The following LRRC4C variants were observed in gnomAD, a reference collection of about 807,000 sequenced individuals.
The protein encoded by LRRC4C is leucine-rich repeat-containing protein 4C.
In LRRC4C, 5 loss-of-function variants were observed where a neutral mutation model predicts 33.6. That is an observed-to-expected ratio of 0.15 (90% confidence interval 0.08 to 0.31). LRRC4C has a LOEUF of 0.31. LRRC4C is among the 10% of genes least tolerant of loss of function. The pLI is 1.00. For missense variants in LRRC4C, 560 were observed against 796.7 expected (o/e 0.70, Z 3.58); for synonymous variants, 329 against 302.0 (o/e 1.09, Z -0.93).
intron 1 of LRRC4C, among the ~76,000 whole-genome samples, chr11:41,267,854 T>G (rs1949200644): frequency 6.6e-6 from 1 of 152,098 alleles, no homozygotes; most frequent in South Asian, 2.1e-4. Context: ...ATGCCTGAAA[T>G]GTAAGTAAAT....
intron 1 of LRRC4C, among the ~76,000 whole-genome samples, chr11:40,978,906 G>A (rs1043802275): frequency 2.0e-5 from 3 of 151,864 alleles, no homozygotes; most frequent in Non-Finnish European, 2.9e-5. Context: ...TGCTAGGATT[G>A]CAGGGGTGAG....
intron 2 of LRRC4C, among the ~76,000 whole-genome samples, chr11:40,792,895 C>A (rs937982232): frequency 2.6e-5 from 4 of 152,070 alleles, no homozygotes; most frequent in African/African-American, 9.7e-5. Context: ...GGACAAAAAA[C>A]CAAACACCGC....
chr11:40,834,649 T>C (rs1440524370), intron 2 of LRRC4C, among the ~76,000 whole-genome samples: 2 of 152,046 alleles, frequency 1.3e-5, no homozygotes, highest in East Asian at 1.9e-4. Flanking sequence ...TTTCATCCCA[T>C]ACACCATGGG....
chr11:41,361,318 A>T lies in LRRC4C; in HGVS notation c.-496+98113T>A, dbSNP rs377694571. On this transcript the variant is annotated intron_variant, in intron 1 of 6. Transcript: ENST00000528697. ...AATCCAGACTATAACCCATTCCATCAACTTCATTTTCTTGTAGGAGTTACA... is the reference window on the plus strand; with the variant it reads ...AATCCAGACTATAACCCATTCCATCTACTTCATTTTCTTGTAGGAGTTACA... Among the ~76,000 whole-genome samples, 8 of 152,286 alleles carry T rather than the reference A, an allele frequency of 5.3e-5. No homozygotes were observed. In the South Asian group the frequency reaches 6.2e-4, roughly 12 times the overall value.
chr11:40,867,554 G>T (rs995562608), intron 2 of LRRC4C, among the ~76,000 whole-genome samples: 2 of 152,000 alleles, frequency 1.3e-5, no homozygotes, highest in African/African-American at 4.8e-5. Context: ...TAAATCAATT[G>T]GGGGGAAAAA....
At chr11:41,085,213 C>T (rs535627177) in intron 1 of LRRC4C, among the ~76,000 whole-genome samples, 13 of 152,302 alleles carry the variant, frequency 8.5e-5, no homozygotes, top group Admixed American at 3.3e-4. Context: ...GACAAATCCA[C>T]TCTTAATTTC....
chr11:40,926,074 T>C (rs1323647551), intron 2 of LRRC4C, among the ~76,000 whole-genome samples: 7 of 151,162 alleles, frequency 4.6e-5, no homozygotes, highest in African/African-American at 1.7e-4. Flanking sequence ...GGGTTTTTTG[T>C]TGTTGTTGTT....
intron 1 of LRRC4C, among the ~76,000 whole-genome samples, chr11:41,290,180 A>G (rs1949950673): frequency 6.6e-6 from 1 of 152,216 alleles, no homozygotes; most frequent in African/African-American, 2.4e-5. Flanking sequence ...AAGATTTCCC[A>G]TAATGACAAG....
At chr11:40,611,922 C>T (rs1444708551) in intron 3 of LRRC4C, among the ~76,000 whole-genome samples, 4 of 151,270 alleles carry the variant, frequency 2.6e-5, no homozygotes, top group African/African-American at 9.7e-5. Context: ...AACTCTTTTA[C>T]GTTAGGGGAG....
At chr11:40,904,938 G>A (rs1241236183) in intron 2 of LRRC4C, among the ~76,000 whole-genome samples, 1 of 152,104 alleles carries the variant, frequency 6.6e-6, no homozygotes, top group African/African-American at 2.4e-5. Context: ...CCACGCTCAA[G>A]AGGAAAGCTG....
intron 3 of LRRC4C, among the ~76,000 whole-genome samples, chr11:40,411,296 T>C (rs988414447): frequency 6.6e-6 from 1 of 152,136 alleles, no homozygotes; most frequent in Admixed American, 6.6e-5. Flanking sequence ...TGTTGACTTG[T>C]AGTCACAGAG....
intron 3 of LRRC4C, among the ~76,000 whole-genome samples, chr11:40,413,080 T>C (rs1441468506): frequency 6.6e-6 from 1 of 152,090 alleles, no homozygotes; most frequent in Non-Finnish European, 1.5e-5. Context: ...CAATGAAGAC[T>C]ATTAAAAGAA....
intron 1 of LRRC4C, among the ~76,000 whole-genome samples, chr11:41,399,361 GA>G (rs1371920201): frequency 6.6e-6 from 1 of 151,952 alleles, no homozygotes; most frequent in Non-Finnish European, 1.5e-5. Context: ...GACTGGTGAG[GA>G]AAGAAGGTTT....
intron 2 of LRRC4C, among the ~76,000 whole-genome samples, chr11:40,698,568 A>G (rs1443731785): frequency 6.6e-6 from 1 of 152,136 alleles, no homozygotes; most frequent in Non-Finnish European, 1.5e-5. Flanking sequence ...GAAAAAGAAG[A>G]GAATGGGAAA....
intron 1 of LRRC4C, among the ~76,000 whole-genome samples, chr11:41,180,774 C>G (rs1233377780): frequency 6.6e-6 from 1 of 152,054 alleles, no homozygotes; most frequent in Non-Finnish European, 1.5e-5. Flanking sequence ...AGATACAGAT[C>G]TCTGTCCTGT....
chr11:40,548,426 G>A (rs544886084), intron 3 of LRRC4C, among the ~76,000 whole-genome samples: 1 of 152,172 alleles, frequency 6.6e-6, no homozygotes, highest in African/African-American at 2.4e-5. Context: ...GAAAAATACA[G>A]GGATAAGATG....
intron 1 of LRRC4C, among the ~76,000 whole-genome samples, chr11:41,258,606 T>A (rs966954718): frequency 6.6e-6 from 1 of 151,944 alleles, no homozygotes. Context: ...TAAATATATA[T>A]AAATATTGAG....
chr11:40,234,606 C>CA (rs1439007189), intron 5 of LRRC4C, among the ~76,000 whole-genome samples: 1 of 151,920 alleles, frequency 6.6e-6, no homozygotes, highest in East Asian at 1.9e-4. Flanking sequence ...CCATCTCTAC[C>CA]AAAAAATTTT....
At chr11:40,791,372 C>T (rs1025514158) in intron 2 of LRRC4C, among the ~76,000 whole-genome samples, 1 of 152,068 alleles carries the variant, frequency 6.6e-6, no homozygotes, top group Non-Finnish European at 1.5e-5. Flanking sequence ...GTTTGTATGT[C>T]TTGGGAGTTC....
Sources: allele counts gnomAD v4.1 joint callset (sites outside exome capture counted in the v4.1 genomes callset), GRCh38; gene constraint gnomAD v4.1.1; transcripts MANE v1.5; gene names NCBI Gene and HGNC (gene_info 2026-07-23, HGNC 2026-07-21).